Variants in OPCML observed in about 807,000 individuals in gnomAD.
OPCML encodes the protein opioid-binding protein/cell adhesion molecule.
In OPCML, 13 loss-of-function variants were observed where a neutral mutation model predicts 37.8. That is an observed-to-expected ratio of 0.34 (90% CI 0.22 to 0.55). The LOEUF is 0.55. Among genes scored for constraint, OPCML ranks in the 20% least tolerant of loss-of-function variants. OPCML has a pLI of 0.91. For missense variants in OPCML, 341 were observed against 435.6 expected (o/e 0.78, Z 1.93); for synonymous variants, 176 against 168.8 (o/e 1.04, Z -0.33).
chr11:132,737,584 A>AT (rs1204656952), intron 2 of OPCML, among the ~76,000 whole-genome samples: 4 of 152,196 alleles, frequency 2.6e-5, no homozygotes, highest in Non-Finnish European at 5.9e-5. Context: ...CTTTGAATGA[A>AT]TATAGGATAA....
intron 2 of OPCML, among the ~76,000 whole-genome samples, chr11:132,931,542 T>G (rs1191808977): frequency 7.9e-5 from 12 of 152,142 alleles, no homozygotes; most frequent in Admixed American, 7.9e-4. Context: ...GATATACAAA[T>G]GGTCAATAAG....
intron 1 of OPCML, among the ~76,000 whole-genome samples, chr11:133,526,112 A>G (rs1436278959): frequency 1.3e-5 from 2 of 152,128 alleles, no homozygotes; most frequent in Non-Finnish European, 2.9e-5. Flanking sequence ...GTGATGGGAG[A>G]CAAGCAAAAG....
chr11:133,101,900 A>G (rs1314818980), intron 1 of OPCML, among the ~76,000 whole-genome samples: 3 of 152,178 alleles, frequency 2.0e-5, no homozygotes, highest in East Asian at 1.9e-4. Context: ...GGAATGAGCT[A>G]TCAAGCCAAG....
At chr11:132,439,433 C>G (rs1359596611) in intron 4 of OPCML, among the ~76,000 whole-genome samples, 2 of 152,168 alleles carry the variant, frequency 1.3e-5, no homozygotes, top group African/African-American at 4.8e-5. Flanking sequence ...GCTACTGGAT[C>G]AAAAGCCTCT....
chr11:132,746,292 T>TTTTG (rs59637312), intron 2 of OPCML, among the ~76,000 whole-genome samples: 3,324 of 152,172 alleles, frequency 0.022, 117 homozygotes, highest in African/African-American at 0.077. Flanking sequence ...TTTGTTTTTA[T>TTTTG]TTTGTTTGTT....
rs142367507 is a variant in OPCML at position 133,264,385 on chromosome 11, C to A, written c.61+267879G>T. Among the ~76,000 whole-genome samples, 217 of 152,302 alleles carry A rather than the reference C, an allele frequency of 1.4e-3. 5 individuals are homozygous for A. The highest frequency in any genetic ancestry group is 0.01 in the Middle Eastern group (3 of 294). On this transcript the variant is annotated intron_variant, in intron 1 of 7. Transcript: ENST00000524381. ...ATGAAGCTGACAAATACAATCAAAG[C>A]CTTTCTCAGTGAATTCTCAAGAGGG... is the stretch of plus-strand genomic sequence containing the variant.
intron 1 of OPCML, among the ~76,000 whole-genome samples, chr11:133,512,958 A>C (rs558611955): frequency 6.6e-6 from 1 of 152,324 alleles, no homozygotes; most frequent in South Asian, 2.1e-4. Context: ...CAAGAAGTCA[A>C]TGAGCAACTA....
intron 2 of OPCML, among the ~76,000 whole-genome samples, chr11:132,815,344 G>A (rs1939571567): frequency 6.6e-6 from 1 of 152,210 alleles, no homozygotes; most frequent in Admixed American, 6.5e-5. Context: ...TCAGATGGCA[G>A]GGACCTCCTG....
intron 1 of OPCML, among the ~76,000 whole-genome samples, chr11:133,140,640 G>A (rs1050871473): frequency 7.0e-6 from 1 of 143,880 alleles, no homozygotes; most frequent in East Asian, 2.0e-4. Context: ...GGAGGAAGAG[G>A]AGGAAGAGGA....
intron 3 of OPCML, among the ~76,000 whole-genome samples, chr11:132,535,655 C>A (rs2137331327): frequency 6.6e-6 from 1 of 152,318 alleles, no homozygotes; most frequent in South Asian, 2.1e-4. Flanking sequence ...ACAGTCTTAA[C>A]CCTCAGGGCC....
chr11:133,321,939 G>A (rs1051801651), intron 1 of OPCML, among the ~76,000 whole-genome samples: 15 of 152,030 alleles, frequency 9.9e-5, no homozygotes, highest in African/African-American at 2.7e-4. Flanking sequence ...TATAATATCC[G>A]AAACCATAGT....
intron 1 of OPCML, among the ~76,000 whole-genome samples, chr11:133,051,528 T>C (rs1948131501): frequency 6.6e-6 from 1 of 152,184 alleles, no homozygotes. Context: ...TGTTTGTTTG[T>C]TTGTTTGTTT....
chr11:133,401,957 G>A (rs1945413485), intron 1 of OPCML, among the ~76,000 whole-genome samples: 1 of 152,178 alleles, frequency 6.6e-6, no homozygotes, highest in Non-Finnish European at 1.5e-5. Flanking sequence ...AGTGCTGATT[G>A]TCAATCTTGA....
intron 2 of OPCML, among the ~76,000 whole-genome samples, chr11:132,907,531 T>C (rs952982057): frequency 4.6e-5 from 7 of 151,298 alleles, no homozygotes; most frequent in African/African-American, 1.7e-4. Context: ...CTCAGGGGAC[T>C]GAGGCAGGAG....
At chr11:132,656,749 G>A (rs7116505) in intron 3 of OPCML, among the ~76,000 whole-genome samples, 2,095 of 152,278 alleles carry the variant, frequency 0.014, 48 homozygotes, top group African/African-American at 0.048. Flanking sequence ...GAATTAAAAG[G>A]CACTGAGAGT....
intron 2 of OPCML, among the ~76,000 whole-genome samples, chr11:132,756,902 G>C (rs1293721855): frequency 1.3e-5 from 2 of 152,016 alleles, no homozygotes; most frequent in Non-Finnish European, 2.9e-5. Flanking sequence ...TCTACATTGG[G>C]TATTTCTCCT....
intron 1 of OPCML, among the ~76,000 whole-genome samples, chr11:133,147,385 C>A (rs1274735747): frequency 1.3e-5 from 2 of 152,056 alleles, no homozygotes; most frequent in African/African-American, 4.8e-5. Context: ...AAGCTAGGCC[C>A]AGCGTGCAGA....
intron 1 of OPCML, among the ~76,000 whole-genome samples, chr11:133,201,896 CCATT>C (rs1274949096): frequency 6.6e-6 from 1 of 152,144 alleles, no homozygotes; most frequent in African/African-American, 2.4e-5. Flanking sequence ...TTCATGCCAT[CCATT>C]CATTCAATCA....
At chr11:133,253,820 C>A (rs763674406) in intron 1 of OPCML, among the ~76,000 whole-genome samples, 1 of 68,920 alleles carries the variant, frequency 1.5e-5, no homozygotes, top group African/African-American at 5.5e-5. Flanking sequence ...CCCTCCTTCC[C>A]TTCCCTTCCA....
Sources: allele counts gnomAD v4.1 joint callset (sites outside exome capture counted in the v4.1 genomes callset), GRCh38; gene constraint gnomAD v4.1.1; transcripts MANE v1.5; gene names NCBI Gene and HGNC (gene_info 2026-07-23, HGNC 2026-07-21).